The following DLGAP2 variants were observed in gnomAD, a reference collection of about 807,000 sequenced individuals.
The protein encoded by DLGAP2 is disks large-associated protein 2.
A neutral mutation model predicts 100.3 loss-of-function variants in DLGAP2; 26 were observed. The observed-to-expected ratio is 0.26, with a 90% CI of 0.19 to 0.36. The LOEUF is 0.36. DLGAP2 is among the 10% of genes least tolerant of loss of function. The pLI, the probability that DLGAP2 is intolerant of heterozygous loss-of-function variation, is 1.00. For missense variants in DLGAP2, 1,858 were observed against 1,453.2 expected, an observed-to-expected ratio of 1.28 and a Z score of -4.53; for synonymous variants, 886 against 630.1, an observed-to-expected ratio of 1.41 and a Z score of -6.08.
chr8:833,288 A>G (rs1796814592), intron 1 of DLGAP2, among the ~76,000 whole-genome samples: 1 of 152,174 alleles, frequency 6.6e-6, no homozygotes, highest in African/African-American at 2.4e-5. Flanking sequence ...TGCTGTAACA[A>G]ATTACCACAC....
intron 4 of DLGAP2, among the ~76,000 whole-genome samples, chr8:1,535,003 T>A (rs1801109076): frequency 6.6e-6 from 1 of 152,252 alleles, no homozygotes; most frequent in Non-Finnish European, 1.5e-5. Context: ...AGCGCACTGT[T>A]TTCGTGTCCC....
intron 2 of DLGAP2, among the ~76,000 whole-genome samples, chr8:1,100,774 A>AGG (rs1483670675): frequency 6.6e-6 from 1 of 152,202 alleles, no homozygotes; most frequent in African/African-American, 2.4e-5. Flanking sequence ...TTTTGTAAGA[A>AGG]GGAGGGGCTG....
At chr8:1,163,360 C>T (rs1337608048) in intron 2 of DLGAP2, among the ~76,000 whole-genome samples, 3 of 152,222 alleles carry the variant, frequency 2.0e-5, no homozygotes, top group Non-Finnish European at 4.4e-5. Flanking sequence ...GTTCCCTTCG[C>T]CTCCGCTCAG....
intron 2 of DLGAP2, among the ~76,000 whole-genome samples, chr8:1,184,757 G>C (rs1423348945): frequency 6.6e-6 from 1 of 152,192 alleles, no homozygotes; most frequent in African/African-American, 2.4e-5. Flanking sequence ...CGGGAGGCAA[G>C]CATGCTGGTG....
chr8:1,036,597 G>A (rs548272284), intron 2 of DLGAP2, among the ~76,000 whole-genome samples: 1 of 152,260 alleles, frequency 6.6e-6, no homozygotes, highest in African/African-American at 2.4e-5. Flanking sequence ...GGGGCCTGGG[G>A]GTTATAAGGG....
chr8:907,947 C>G lies in DLGAP2; in HGVS notation c.54C>G (p.Ile18Met), dbSNP rs1315626378. 5.0e-6 allele frequency: 2 copies of G among 398,832 alleles called. No individual in the cohort carries two copies. The highest frequency in any genetic ancestry group is 4.1e-5 in the African/African-American group (2 of 48,618). The allele number at this position is 398,832 out of a possible 1,614,324, so 24.7% of individuals were successfully genotyped here. The change falls in exon 2 of 15, where the codon ATC becomes ATG. Residue 18 changes from isoleucine (I) to methionine (M), a missense_variant. Coordinates refer to ENST00000637795, the MANE Select transcript of DLGAP2 (RefSeq NM_001346810.2). ...GCATTCTGCAGAAGCATTGCTGTATCTTACCAGACAGGAATACAGGTAAAT... is the reference window on the plus strand; with the variant it reads ...GCATTCTGCAGAAGCATTGCTGTATGTTACCAGACAGGAATACAGGTAAAT... ...LPGILQKHCC[I>M]LPDRNTESQC...
chr8:965,709 C>T lies in DLGAP2; in HGVS notation c.73+57743C>T, dbSNP rs1358161492. On this transcript the variant is annotated intron_variant, in intron 2 of 14. Transcript: ENST00000637795. Reference sequence around the variant, plus strand: ...GTTCACCTCACACGGCTCCTGAGCCCAACCCCCGCGTGCACACGGCACTGT... The same window carrying T: ...GTTCACCTCACACGGCTCCTGAGCCTAACCCCCGCGTGCACACGGCACTGT... Among the ~76,000 whole-genome samples, 59 of 127,402 alleles carry T rather than the reference C, an allele frequency of 4.6e-4. 2 individuals are homozygous for T. Among genetic ancestry groups the T allele is most frequent in the African/African-American group, 1.4e-3 (46 of 33,850 alleles). 83.6% of individuals were successfully genotyped at this position (127,402 alleles called of 152,430 possible). A position where few individuals can be genotyped will look rare whatever the true frequency, so the allele number is the denominator to read the frequency against.
chr8:1,262,883 TG>T (rs1248934668), intron 3 of DLGAP2, among the ~76,000 whole-genome samples: 1 of 147,424 alleles, frequency 6.8e-6, no homozygotes, highest in Non-Finnish European at 1.5e-5. Flanking sequence ...GGGCCACAGA[TG>T]TCAGTTCATG....
At chr8:1,313,680 T>A (rs919650045) in intron 3 of DLGAP2, among the ~76,000 whole-genome samples, 1 of 152,204 alleles carries the variant, frequency 6.6e-6, no homozygotes, top group Non-Finnish European at 1.5e-5. Context: ...AAGTCCCACC[T>A]GAACCTGATG....
intron 2 of DLGAP2, among the ~76,000 whole-genome samples, chr8:1,172,533 G>C (rs1376564558): frequency 6.6e-6 from 1 of 152,204 alleles, no homozygotes. Flanking sequence ...ATCAGACGTA[G>C]ATTTGGTCTT....
chr8:1,293,065 A>G (rs1204069765), intron 3 of DLGAP2, among the ~76,000 whole-genome samples: 2 of 152,096 alleles, frequency 1.3e-5, no homozygotes, highest in Admixed American at 6.5e-5. Context: ...GAGTAAGTCA[A>G]CCTGACCCAC....
intron 12 of DLGAP2, among the ~76,000 whole-genome samples, chr8:1,683,111 GAGA>G (rs1183787997): frequency 2.0e-5 from 3 of 151,568 alleles, no homozygotes; most frequent in African/African-American, 7.3e-5. Context: ...CTAACAGTGG[GAGA>G]AGACCAGGTA....
chr8:1,347,701 C>G (rs1306570581), intron 3 of DLGAP2, among the ~76,000 whole-genome samples: 1 of 150,214 alleles, frequency 6.7e-6, no homozygotes, highest in Non-Finnish European at 1.5e-5. Flanking sequence ...AGGCTGAGTT[C>G]CTATACAGAG....
chr8:1,603,650 C>A (rs1157219961), intron 6 of DLGAP2, among the ~76,000 whole-genome samples: 2 of 152,168 alleles, frequency 1.3e-5, no homozygotes, highest in African/African-American at 4.8e-5. Context: ...GAGGCTGGGT[C>A]TTCATTCTTT....
chr8:840,455 G>A (rs62486368), intron 1 of DLGAP2, among the ~76,000 whole-genome samples: 1 of 131,180 alleles, frequency 7.6e-6, no homozygotes. Flanking sequence ...TTCTGGGAGC[G>A]CGTCTACACG....
At chr8:1,044,547 A>G (rs1802464507) in intron 2 of DLGAP2, among the ~76,000 whole-genome samples, 1 of 152,188 alleles carries the variant, frequency 6.6e-6, no homozygotes, top group Non-Finnish European at 1.5e-5. Flanking sequence ...CAGGAGTGTC[A>G]AAGTGTGCAT....
At chr8:1,149,289 G>C (rs1314951162) in intron 2 of DLGAP2, among the ~76,000 whole-genome samples, 1 of 152,096 alleles carries the variant, frequency 6.6e-6, no homozygotes, top group Non-Finnish European at 1.5e-5. Flanking sequence ...GGGACTACAG[G>C]CACCCGCCAC....
chr8:1,027,155 A>C lies in DLGAP2; in HGVS notation c.73+119189A>C, dbSNP rs1801823634. ...GAAAAGGTATAAACACAAGATGGGA[A>C]ATGGAAGAAGTTCATTATATTTCAC... is the stretch of plus-strand genomic sequence containing the variant. On this transcript the variant is annotated intron_variant, in intron 2 of 14. Coordinates refer to ENST00000637795, the MANE Select transcript of DLGAP2 (RefSeq NM_001346810.2). Among the ~76,000 whole-genome samples, 3 of 152,240 alleles carry C rather than the reference A, an allele frequency of 2.0e-5. No individual in the cohort carries two copies. The South Asian group carries it at 6.2e-4, about 32-fold the overall frequency.
At chr8:1,114,264 G>T (rs6558412) in intron 2 of DLGAP2, among the ~76,000 whole-genome samples, 4,500 of 152,200 alleles carry the variant, frequency 0.03, 220 homozygotes, top group African/African-American at 0.1. Context: ...AATAGGTTCA[G>T]TAGAAATAGT....
Sources: allele counts gnomAD v4.1 joint callset (sites outside exome capture counted in the v4.1 genomes callset), GRCh38; gene constraint gnomAD v4.1.1; transcripts MANE v1.5; gene names NCBI Gene and HGNC (gene_info 2026-07-23, HGNC 2026-07-21).